ULK4: variants seen among roughly 807,000 people sequenced by gnomAD.
The protein encoded by ULK4 is unc-51 like kinase 4.
A neutral mutation model predicts 160.6 loss-of-function variants in ULK4; 133 were observed. The ratio of observed to expected loss-of-function variants is 0.83; its 90% CI spans 0.72 to 0.96. ULK4 has a LOEUF of 0.96. ULK4 is among the 40% of genes least tolerant of loss of function. ULK4 has a pLI of 0.00. For missense variants in ULK4, 1,580 were observed against 1,499.5 expected (o/e 1.05, Z -0.89); for synonymous variants, 534 against 539.8 (o/e 0.99, Z 0.15).
In ULK4 at chr3:41,587,250, T is replaced by C. The variant is rs565823831; in HGVS notation, c.3121-21120A>G. Reference sequence around the variant, plus strand: ...CCCTTCCATTCCAAACAGAATTCTCTGGCATTCATTCCTTCTCATATTTTG... The same window carrying C: ...CCCTTCCATTCCAAACAGAATTCTCCGGCATTCATTCCTTCTCATATTTTG... On this transcript the variant is annotated intron_variant, in intron 31 of 36. Coordinates refer to ENST00000301831, the MANE Select transcript of ULK4 (RefSeq NM_017886.4). Among the ~76,000 whole-genome samples, 9 of 152,342 alleles carry C rather than the reference T, an allele frequency of 5.9e-5. No homozygotes were observed. The South Asian group carries it at 1.2e-3, about 21-fold the overall frequency.
intron 35 of ULK4, among the ~76,000 whole-genome samples, chr3:41,395,375 C>A (rs929526376): frequency 2.6e-5 from 4 of 151,962 alleles, no homozygotes; most frequent in Non-Finnish European, 5.9e-5. Flanking sequence ...GGTGGAACAA[C>A]ACAAATGTCC....
intron 35 of ULK4, among the ~76,000 whole-genome samples, chr3:41,329,624 A>T (rs558448973): frequency 6.6e-6 from 1 of 152,332 alleles, no homozygotes; most frequent in African/African-American, 2.4e-5. Flanking sequence ...TGTCATAAAC[A>T]TCTTTTCCTA....
chr3:41,610,732 T>C (rs60239056), intron 31 of ULK4, among the ~76,000 whole-genome samples: 1,800 of 152,358 alleles, frequency 0.012, 35 homozygotes, highest in African/African-American at 0.041. Context: ...ATCCAATTTT[T>C]ATTGTTAACA....
intron 18 of ULK4, among the ~76,000 whole-genome samples, chr3:41,825,265 C>T (rs1476560927): frequency 6.6e-6 from 1 of 152,178 alleles, no homozygotes; most frequent in Non-Finnish European, 1.5e-5. Flanking sequence ...CTCTCCTCCT[C>T]CAAAGGAATG....
At chr3:41,435,833 A>T (rs1256404432) in intron 34 of ULK4, among the ~76,000 whole-genome samples, 2 of 152,042 alleles carry the variant, frequency 1.3e-5, no homozygotes, top group East Asian at 3.9e-4. Flanking sequence ...TGTAATCCCA[A>T]CTACTCAGGA....
chr3:41,581,489 T>G (rs2030336364), intron 31 of ULK4, among the ~76,000 whole-genome samples: 1 of 152,154 alleles, frequency 6.6e-6, no homozygotes, highest in African/African-American at 2.4e-5. Context: ...AATTTGTTGG[T>G]TTTTCATCAT....
At chr3:41,827,874 G>C (rs1358157877) in intron 18 of ULK4, among the ~76,000 whole-genome samples, 1 of 151,884 alleles carries the variant, frequency 6.6e-6, no homozygotes, top group Admixed American at 6.6e-5. Flanking sequence ...CAATATCCCC[G>C]ATGAACACTG....
At chr3:41,371,654 A>C (rs1195039215) in intron 35 of ULK4, among the ~76,000 whole-genome samples, 1 of 152,218 alleles carries the variant, frequency 6.6e-6, no homozygotes, top group Non-Finnish European at 1.5e-5. Flanking sequence ...CACCAATAGC[A>C]AAGACCACAT....
chr3:41,540,269 A>C (rs1409418515), intron 32 of ULK4, among the ~76,000 whole-genome samples: 1 of 137,886 alleles, frequency 7.3e-6, no homozygotes. Flanking sequence ...ACTCCCATTT[A>C]TGAGTGAGAA....
chr3:41,483,343 T>C (rs2084394321), intron 32 of ULK4, among the ~76,000 whole-genome samples: 1 of 152,200 alleles, frequency 6.6e-6, no homozygotes, highest in Non-Finnish European at 1.5e-5. Context: ...AAGATTTTTT[T>C]AGTTTTAGGC....
intron 34 of ULK4, among the ~76,000 whole-genome samples, chr3:41,450,902 C>T (rs1004934993): frequency 7.9e-5 from 12 of 152,160 alleles, no homozygotes; most frequent in Admixed American, 6.5e-4. Context: ...CACAATGCAG[C>T]CTACACACAT....
chr3:41,857,071 ACT>A lies in ULK4; in HGVS notation c.1657-21102_1657-21101del, dbSNP rs377720152. On this transcript the variant is annotated intron_variant, in intron 17 of 36. Coordinates refer to ENST00000301831, the MANE Select transcript of ULK4 (RefSeq NM_017886.4). ...TGTGCAAGAGGGTTTGTAAGTGGCC[ACT>A]CTCTCCCTCAAAGAGATCCAACCCC... Among the ~76,000 whole-genome samples the A allele has an allele frequency of 3.7e-3, 556 of 151,978 alleles. 6 individuals are homozygous for A. The highest frequency in any genetic ancestry group is 0.012 in the African/African-American group (516 of 41,460).
chr3:41,688,196 C>T (rs1025397688), intron 27 of ULK4, among the ~76,000 whole-genome samples: 1 of 152,118 alleles, frequency 6.6e-6, no homozygotes, highest in Admixed American at 6.5e-5. Context: ...CTCATCCCAC[C>T]CCCTCCCCTG....
chr3:41,579,347 G>A (rs904822571), intron 31 of ULK4, among the ~76,000 whole-genome samples: 1 of 152,102 alleles, frequency 6.6e-6, no homozygotes, highest in East Asian at 1.9e-4. Context: ...AAGGAAGGAA[G>A]GAGGAACAGA....
chr3:41,417,079 T>C (rs922919877), intron 34 of ULK4, among the ~76,000 whole-genome samples: 3 of 151,882 alleles, frequency 2.0e-5, no homozygotes, highest in African/African-American at 7.3e-5. Flanking sequence ...GGCCAAGGAG[T>C]GACCACCTGG....
intron 25 of ULK4, among the ~76,000 whole-genome samples, chr3:41,706,312 C>T (rs769098678): frequency 5.4e-5 from 8 of 148,712 alleles, no homozygotes; most frequent in East Asian, 1.9e-4. Flanking sequence ...ACAGCAAGAA[C>T]GCTGCAACGG....
intron 11 of ULK4, among the ~76,000 whole-genome samples, chr3:41,908,433 GT>G (rs1448382401): frequency 6.6e-6 from 1 of 151,980 alleles, no homozygotes; most frequent in Non-Finnish European, 1.5e-5. Flanking sequence ...TGGATCCATG[GT>G]TTTGAGCTTT....
chr3:41,385,630 C>G (rs1575496471), intron 35 of ULK4, among the ~76,000 whole-genome samples: 1 of 152,292 alleles, frequency 6.6e-6, no homozygotes, highest in East Asian at 1.9e-4. Context: ...AAGCAATATC[C>G]TATGAACAAT....
At chr3:41,718,191 G>A (rs796909846) in intron 22 of ULK4, among the ~76,000 whole-genome samples, 121 of 152,266 alleles carry the variant, frequency 7.9e-4, no homozygotes, top group African/African-American at 2.8e-3. Context: ...AAGGTTCAAA[G>A]TAAAGCCACA....
Sources: allele counts gnomAD v4.1 joint callset (sites outside exome capture counted in the v4.1 genomes callset), GRCh38; gene constraint gnomAD v4.1.1; transcripts MANE v1.5; gene names NCBI Gene and HGNC (gene_info 2026-07-23, HGNC 2026-07-21).